The following SLC9A9 variants were observed in gnomAD, a reference collection of about 807,000 sequenced individuals.
SLC9A9 encodes the protein sodium/hydrogen exchanger 9.
A neutral mutation model predicts 77.8 loss-of-function variants in SLC9A9; 62 were observed. That is an observed-to-expected ratio of 0.80 (90% CI 0.65 to 0.98). The LOEUF (loss-of-function observed/expected upper bound fraction) is 0.98. Ranked by LOEUF, SLC9A9 falls within the 50% of genes least tolerant of loss-of-function variation. SLC9A9 has a pLI of 0.00. For missense variants in SLC9A9, 775 were observed against 774.9 expected (o/e 1.00, Z 0.00); for synonymous variants, 320 against 283.5 (o/e 1.13, Z -1.29).
intron 12 of SLC9A9, among the ~76,000 whole-genome samples, chr3:143,414,759 C>T (rs7636796): frequency 0.026 from 3,903 of 152,270 alleles, 185 homozygotes; most frequent in African/African-American, 0.089. Context: ...ATTAACATCA[C>T]TACCATGGCC....
At chr3:143,599,616 A>G (rs1335482567) in intron 6 of SLC9A9, among the ~76,000 whole-genome samples, 1 of 152,186 alleles carries the variant, frequency 6.6e-6, no homozygotes, top group Non-Finnish European at 1.5e-5. Flanking sequence ...TCTCCTTTGC[A>G]CTATTGAGAT....
intron 12 of SLC9A9, among the ~76,000 whole-genome samples, chr3:143,462,510 T>C (rs1559927015): frequency 6.6e-6 from 1 of 152,178 alleles, no homozygotes; most frequent in Non-Finnish European, 1.5e-5. Flanking sequence ...GGATCCTGAA[T>C]AGGGTTGGGA....
chr3:143,559,410 C>G (rs992551623), intron 8 of SLC9A9, among the ~76,000 whole-genome samples: 19 of 152,180 alleles, frequency 1.2e-4, no homozygotes, highest in Non-Finnish European at 2.4e-4. Context: ...ACGTTCCTAT[C>G]ATATGTTTAA....
chr3:143,527,999 A>G (rs1169454334), intron 9 of SLC9A9, among the ~76,000 whole-genome samples: 1 of 152,208 alleles, frequency 6.6e-6, no homozygotes. Context: ...AGATCTTTGG[A>G]GAGTAGGAGT....
chr3:143,509,382 T>C (rs529099260), intron 9 of SLC9A9, among the ~76,000 whole-genome samples: 55 of 152,308 alleles, frequency 3.6e-4, no homozygotes, highest in African/African-American at 1.3e-3. Context: ...TGTCAATGTT[T>C]ATATTAAACT....
At chr3:143,836,562 A>G (rs146901063) in intron 1 of SLC9A9, among the ~76,000 whole-genome samples, 6 of 152,224 alleles carry the variant, frequency 3.9e-5, no homozygotes, top group Non-Finnish European at 5.9e-5. Context: ...TATATAGCAC[A>G]TGCATGGCAT....
In SLC9A9 at chr3:143,270,679, A is replaced by G. The variant is rs963506304; in HGVS notation, c.1605-1699T>C. On this transcript the variant is annotated intron_variant, in intron 14 of 15. Coordinates refer to ENST00000316549, the MANE Select transcript of SLC9A9 (RefSeq NM_173653.4). ...CAACATTTTTAGTGATGTCATGTTA[A>G]AAGAAAAAAAAAAGTTTGTCAAGGC... is the stretch of plus-strand genomic sequence containing the variant. Among the ~76,000 whole-genome samples, 83 of 143,368 alleles carry G rather than the reference A, an allele frequency of 5.8e-4. 1 individual carries two copies. The highest frequency in any genetic ancestry group is 1.9e-3 in the African/African-American group (75 of 38,758). 94.1% of individuals were successfully genotyped at this position (143,368 alleles called of 152,430 possible).
intron 5 of SLC9A9, chr3:143,655,597 G>A (rs531919254): frequency 2.0e-6 from 2 of 985,138 alleles, no homozygotes; most frequent in Non-Finnish European, 1.2e-6. Context: ...TGTAGCTAGA[G>A]AAAAATTCAC....
intron 6 of SLC9A9, among the ~76,000 whole-genome samples, chr3:143,589,513 T>C (rs1293805519): frequency 1.3e-5 from 2 of 152,148 alleles, no homozygotes; most frequent in African/African-American, 4.8e-5. Context: ...ACAATATTAG[T>C]ATAATAACAT....
chr3:143,397,241 G>A (rs545364700), intron 12 of SLC9A9, among the ~76,000 whole-genome samples: 1 of 152,344 alleles, frequency 6.6e-6, no homozygotes, highest in South Asian at 2.1e-4. Flanking sequence ...CTTCCCTAAG[G>A]CTTCACTCTG....
intron 6 of SLC9A9, among the ~76,000 whole-genome samples, chr3:143,588,032 G>A (rs2037574286): frequency 6.6e-6 from 1 of 152,158 alleles, no homozygotes; most frequent in Non-Finnish European, 1.5e-5. Context: ...CGTATCATAG[G>A]AAGACAGATT....
chr3:143,825,046 T>G (rs1042870077), intron 2 of SLC9A9, among the ~76,000 whole-genome samples: 2 of 152,204 alleles, frequency 1.3e-5, no homozygotes, highest in Non-Finnish European at 2.9e-5. Context: ...CCCTATTCTC[T>G]GTTGAAAGGA....
chr3:143,735,612 G>C (rs1934921764), intron 4 of SLC9A9, among the ~76,000 whole-genome samples: 1 of 152,176 alleles, frequency 6.6e-6, no homozygotes, highest in Admixed American at 6.5e-5. Context: ...AAAGCTAGAA[G>C]GAAAATAGGA....
intron 14 of SLC9A9, among the ~76,000 whole-genome samples, chr3:143,320,253 A>G (rs145035318): frequency 1.6e-4 from 24 of 152,348 alleles, no homozygotes; most frequent in Middle Eastern, 3.4e-3. Context: ...TAGTTGCTCA[A>G]TGAATACTGT....
intron 11 of SLC9A9, among the ~76,000 whole-genome samples, chr3:143,480,236 T>C (rs1196119319): frequency 2.6e-5 from 4 of 152,240 alleles, no homozygotes; most frequent in Admixed American, 6.5e-5. Flanking sequence ...GAGCAGGTAA[T>C]TTTTATCGTA....
At chr3:143,585,137 C>T (rs763757848) in intron 6 of SLC9A9, among the ~76,000 whole-genome samples, 3 of 152,172 alleles carry the variant, frequency 2.0e-5, no homozygotes, top group Non-Finnish European at 2.9e-5. Context: ...GCCACAAGAT[C>T]TTCCAGGTCT....
intron 4 of SLC9A9, among the ~76,000 whole-genome samples, chr3:143,740,306 G>T (rs971623296): frequency 6.6e-6 from 1 of 152,152 alleles, no homozygotes; most frequent in Admixed American, 6.5e-5. Flanking sequence ...GGAGGTTAGG[G>T]CTCTGAAGCT....
Position 143,421,008 on chromosome 3 carries a change from C to T in SLC9A9, c.1470-38894G>A, listed in dbSNP as rs1353802869. On this transcript the variant is annotated intron_variant, in intron 12 of 15. Transcript: ENST00000316549. ...CACCAATAATGTCTAAGCTAAGAGC[C>T]GAATCTAGAATGCAATCCCATTTAC... 2.6e-5 allele frequency among the ~76,000 whole-genome samples: 4 copies of T among 151,728 alleles called. No homozygotes were observed. In the East Asian group the frequency reaches 7.7e-4, roughly 29 times the overall value.
chr3:143,385,559 A>G (rs547094596), intron 12 of SLC9A9, among the ~76,000 whole-genome samples: 1 of 152,326 alleles, frequency 6.6e-6, no homozygotes, highest in East Asian at 1.9e-4. Flanking sequence ...AACTGACATT[A>G]TTTTAGGGCT....
Sources: allele counts gnomAD v4.1 joint callset (sites outside exome capture counted in the v4.1 genomes callset), GRCh38; gene constraint gnomAD v4.1.1; transcripts MANE v1.5; gene names NCBI Gene and HGNC (gene_info 2026-07-23, HGNC 2026-07-21).